RFC1: variants seen among roughly 807,000 people sequenced by gnomAD.
RFC1 encodes the protein A1 140 kDa subunit.
RFC1 carries 37 observed loss-of-function variants against 137.4 expected under a neutral mutation model. The observed-to-expected ratio is 0.27, with a 90% CI of 0.21 to 0.35. The LOEUF (loss-of-function observed/expected upper bound fraction) is 0.35. Ranked by LOEUF, RFC1 falls within the 10% of genes least tolerant of loss-of-function variation. RFC1 has a pLI of 1.00. For missense variants in RFC1, 1,205 were observed against 1,358.5 expected, an observed-to-expected ratio of 0.89 and a Z score of 1.78; for synonymous variants, 429 against 455.7, an observed-to-expected ratio of 0.94 and a Z score of 0.75.
chr4:39,361,783 T>G (rs1027090289), intron 1 of RFC1, among the ~76,000 whole-genome samples: 2 of 152,090 alleles, frequency 1.3e-5, no homozygotes, highest in Non-Finnish European at 2.9e-5. Context: ...GCGCGGTGGC[T>G]CACGCCTGTA....
Position 39,302,513 on chromosome 4 carries a change from T to A in RFC1, c.2423A>T (p.Gln808Leu), listed in dbSNP as rs144389543. ...TATTTAATTTACCTGTCTGATATCT[T>A]GATTGGCTCCCAAAATTATTTCATT... ...AMNEIILGAN[Q>L]DIRQVLHNLS... The change falls in exon 18 of 25, where the codon CAA becomes CTA. Residue 808 changes from glutamine to leucine, a missense_variant. By Grantham distance (113) the Gln-to-Leu change is moderately radical. Around this residue, in one of 3 missense-constraint regions of RFC1, gnomAD observed 962 missense variants for 1,035.3 expected, o/e 0.93. Coordinates refer to ENST00000349703, the MANE Select transcript of RFC1 (RefSeq NM_002913.5). The A allele has an allele frequency of 1.1e-5, 17 of 1,602,446 alleles. No individual in the cohort carries two copies. The highest frequency in any genetic ancestry group is 1.5e-5 in the Non-Finnish European group (17 of 1,170,636).
intron 4 of RFC1, among the ~76,000 whole-genome samples, chr4:39,335,707 C>T (rs529211189): frequency 6.6e-6 from 1 of 152,190 alleles, no homozygotes; most frequent in South Asian, 2.1e-4. Context: ...AGGCATAAAA[C>T]GGGCAATATA....
At chr4:39,301,220 G>A (rs1192068225) in intron 19 of RFC1, among the ~76,000 whole-genome samples, 2 of 152,180 alleles carry the variant, frequency 1.3e-5, no homozygotes, top group Non-Finnish European at 2.9e-5. Flanking sequence ...ACCACATTCT[G>A]GAAAAGGCAA....
intron 1 of RFC1, among the ~76,000 whole-genome samples, chr4:39,360,924 C>A (rs567965729): frequency 6.6e-6 from 1 of 152,228 alleles, no homozygotes; most frequent in South Asian, 2.1e-4. Context: ...TTTAAAACAG[C>A]CCACCAAATC....
At chr4:39,317,115 T>C (rs977050528) in intron 9 of RFC1, 93 bp from the exon 10 acceptor site, 2 of 731,438 alleles carry the variant, frequency 2.7e-6, no homozygotes, top group Non-Finnish European at 4.6e-6. Context: ...ATTTTTATTG[T>C]GTCACTTCTG....
intron 1 of RFC1, among the ~76,000 whole-genome samples, chr4:39,357,231 C>A (rs1403911400): frequency 6.6e-6 from 1 of 152,190 alleles, no homozygotes; most frequent in Non-Finnish European, 1.5e-5. Flanking sequence ...ACCCCAGTAT[C>A]TGTTAAGTCT....
intron 2 of RFC1, among the ~76,000 whole-genome samples, chr4:39,346,880 T>C (rs1488876009): frequency 1.3e-5 from 2 of 152,218 alleles, no homozygotes; most frequent in Admixed American, 6.5e-5. Context: ...ATTATACATA[T>C]GTGGAACAAC....
chr4:39,365,378 T>C (rs1254351530), intron 1 of RFC1: 2 of 779,062 alleles, frequency 2.6e-6, no homozygotes, highest in Non-Finnish European at 1.6e-6. Context: ...TTATATCGGA[T>C]TGTTAAGTAT....
At chr4:39,362,367 G>C (rs1741802184) in intron 1 of RFC1, among the ~76,000 whole-genome samples, 1 of 152,178 alleles carries the variant, frequency 6.6e-6, no homozygotes, top group Non-Finnish European at 1.5e-5. Context: ...CAAAGGTGGA[G>C]GACATACTTC....
intron 1 of RFC1, among the ~76,000 whole-genome samples, chr4:39,358,649 G>A (rs1741599270): frequency 6.6e-6 from 1 of 152,152 alleles, no homozygotes; most frequent in African/African-American, 2.4e-5. Flanking sequence ...GTGTGCCAAG[G>A]AAACAAAGCA....
chr4:39,331,043 A>ACC (rs1268128321), intron 4 of RFC1, among the ~76,000 whole-genome samples: 1 of 152,130 alleles, frequency 6.6e-6, no homozygotes, highest in East Asian at 1.9e-4. Context: ...CACGTGGATC[A>ACC]CCCATAATAG....
intron 1 of RFC1, among the ~76,000 whole-genome samples, chr4:39,353,027 G>GAC (rs59032726): frequency 0.33 from 49,505 of 150,874 alleles, 8,139 homozygotes; most frequent in Non-Finnish European, 0.35. Context: ...AAATAAGTGT[G>GAC]ACACACACAC....
At chr4:39,302,245 G>C in intron 19 of RFC1, 33 bp downstream of exon 19, 1 of 1,402,294 alleles carries the variant, frequency 7.1e-7, no homozygotes, top group Non-Finnish European at 1.0e-6. Context: ...TTTTGGCTTA[G>C]GAAAGTAACT....
At chr4:39,310,498 G>A (rs1020352295) in intron 12 of RFC1, among the ~76,000 whole-genome samples, 2 of 152,148 alleles carry the variant, frequency 1.3e-5, no homozygotes, top group African/African-American at 4.8e-5. Context: ...TGACAGAGCT[G>A]GGGACATTAA....
intron 9 of RFC1, among the ~76,000 whole-genome samples, chr4:39,317,679 T>C (rs1257653258): frequency 1.3e-5 from 2 of 152,192 alleles, no homozygotes; most frequent in Non-Finnish European, 2.9e-5. Flanking sequence ...CCTCCAAGTT[T>C]CTCTTTCGGA....
chr4:39,308,666 G>T lies in RFC1; in HGVS notation c.1855C>A (p.Gln619Lys). The T allele has an allele frequency of 6.2e-7, 1 of 1,611,162 alleles. No individual in the cohort carries two copies. The highest frequency in any genetic ancestry group is 8.5e-7 in the Non-Finnish European group (1 of 1,178,764). The change falls in exon 13 of 25, where the codon CAA (glutamine) becomes AAA (lysine). Residue 619 changes from glutamine (Q) to lysine (K), a missense_variant. Physicochemically the swap from Gln to Lys is moderately conservative, Grantham distance 53 (BLOSUM62 1). This residue lies in a region of RFC1 where 962 missense variants were observed against 1,035.3 expected (regional missense o/e 0.93). Transcript: ENST00000349703. Reference sequence around the variant, plus strand: ...TTTTTATCTTCGGAAGAACTCTTTTGCCAGTTTCGGAGCCAGCGTAGGAGT... The same window carrying T: ...TTTTTATCTTCGGAAGAACTCTTTTTCCAGTTTCGGAGCCAGCGTAGGAGT... ...NKLLRWLRNW[Q>K]KSSSEDKKHA...
intron 10 of RFC1, among the ~76,000 whole-genome samples, chr4:39,316,448 C>G (rs1023327561): frequency 1.1e-4 from 16 of 152,262 alleles, no homozygotes; most frequent in African/African-American, 3.4e-4. Flanking sequence ...ACCACGCCAT[C>G]ACAACCCCTT....
At chr4:39,324,594 A>C (rs1453343618) in intron 6 of RFC1, among the ~76,000 whole-genome samples, 3 of 152,244 alleles carry the variant, frequency 2.0e-5, no homozygotes, top group Non-Finnish European at 4.4e-5. Flanking sequence ...CAAAGTAATA[A>C]AATGTGAACA....
intron 22 of RFC1, among the ~76,000 whole-genome samples, chr4:39,294,547 T>C (rs6531706): frequency 0.51 from 78,152 of 151,894 alleles, 21,909 homozygotes; most frequent in African/African-American, 0.75. Flanking sequence ...GGCATGCACC[T>C]TAGTCCCAAC....
Sources: gnomAD v4.1 joint callset for allele counts (sites outside exome capture counted in the v4.1 genomes callset) on GRCh38, gnomAD v4.1.1 for gene constraint, gnomAD v4.1.1 regional missense constraint, MANE v1.5 for transcripts, NCBI Gene and HGNC (gene_info 2026-07-23, HGNC 2026-07-21) for gene names.